CTNNA2: variants seen among roughly 807,000 people sequenced by gnomAD.
CTNNA2 encodes catenin alpha-2.
In CTNNA2, 42 loss-of-function variants were observed where a neutral mutation model predicts 101.0. The observed-to-expected ratio is 0.42, with a 90% CI of 0.32 to 0.54. The LOEUF is 0.54. Among genes scored for constraint, CTNNA2 ranks in the 20% least tolerant of loss-of-function variants. CTNNA2 has a pLI of 0.14. For synonymous variants in CTNNA2, 450 were observed against 456.4 expected (o/e 0.99, Z 0.18); for missense variants, 871 against 1,223.1 (o/e 0.71, Z 4.29).
At chr2:79,583,568 G>A (rs538483990) in intron 1 of CTNNA2, among the ~76,000 whole-genome samples, 1 of 152,106 alleles carries the variant, frequency 6.6e-6, no homozygotes, top group African/African-American at 2.4e-5. Context: ...AGGCTGTGTG[G>A]TTAGTGTATG....
intron 7 of CTNNA2, among the ~76,000 whole-genome samples, chr2:80,262,404 G>A (rs577713125): frequency 6.6e-6 from 1 of 152,226 alleles, no homozygotes; most frequent in East Asian, 1.9e-4. Flanking sequence ...TTGCAACAAT[G>A]CTTGTGTATA....
chr2:79,441,146 T>A lies in CTNNA2; in HGVS notation c.-134-63908T>A, dbSNP rs576184566. ...CCTTAGCAACTGCTTTCTTGTCCAA[T>A]GAACTGAACTAATTTAAATACAAGT... On this transcript the variant is annotated intron_variant, in intron 4 of 21. Coordinates refer to the CTNNA2 transcript ENST00000466387. 9.1e-4 allele frequency among the ~76,000 whole-genome samples: 138 copies of A among 152,262 alleles called. 1 individual carries two copies. Among genetic ancestry groups the A allele is most frequent in the Middle Eastern group, 3.4e-3 (1 of 294 alleles).
At chr2:80,569,633 G>GTTTTTTTTTT (rs70940088) in intron 12 of CTNNA2, among the ~76,000 whole-genome samples, 788 of 51,674 alleles carry the variant, frequency 0.015, 189 homozygotes, top group Middle Eastern at 0.036. Context: ...GGGTATTTAG[G>GTTTTTTTTTT]TTTTTTTTTT....
chr2:80,647,503 T>C, intron 18 of CTNNA2, 82 bp from the exon 19 acceptor site: 1 of 1,180,870 alleles, frequency 8.5e-7, no homozygotes, highest in Non-Finnish European at 1.2e-6. Flanking sequence ...AAAACATTAT[T>C]TTAACCGTGA....
chr2:79,337,722 C>CAG (rs1677025250), intron 3 of CTNNA2, among the ~76,000 whole-genome samples: 1 of 151,924 alleles, frequency 6.6e-6, no homozygotes, highest in Non-Finnish European at 1.5e-5. Context: ...ACTGTCTGCT[C>CAG]TGCACTGAGG....
chr2:80,544,998 G>C lies in CTNNA2; in HGVS notation c.1307G>C (p.Cys436Ser), dbSNP rs762417293. The change falls in exon 10 of 19, where the codon TGT (cysteine) becomes TCT (serine). Residue 436 changes from cysteine (C) to serine (S), a missense_variant. Cys to Ser is a moderately radical substitution (Grantham distance 112). Around this residue, in one of 5 missense-constraint regions of CTNNA2, gnomAD observed 647 missense variants for 831.5 expected, o/e 0.78. Coordinates refer to ENST00000402739, the MANE Select transcript of CTNNA2 (RefSeq NM_001282597.3). ...NKLVEVANLA[C>S]SISNNEEGVK... ...TCAATACAGGTTGCCAATTTGGCCTGTTCCATCTCCAACAATGAAGAAGGG... is the reference window on the plus strand; with the variant it reads ...TCAATACAGGTTGCCAATTTGGCCTCTTCCATCTCCAACAATGAAGAAGGG... 3 of 1,613,992 alleles carry C rather than the reference G, an allele frequency of 1.9e-6. No individual in the cohort carries two copies. In the Admixed American group the frequency reaches 5.0e-5, roughly 27 times the overall value.
At chr2:79,834,569 A>T (rs1302622151) in intron 3 of CTNNA2, among the ~76,000 whole-genome samples, 2 of 151,670 alleles carry the variant, frequency 1.3e-5, no homozygotes, top group Admixed American at 1.3e-4. Context: ...CTCCTTTTTC[A>T]TTGGGTTGAT....
intron 8 of CTNNA2, among the ~76,000 whole-genome samples, chr2:80,407,598 A>G (rs1050665983): frequency 1.3e-5 from 2 of 152,238 alleles, no homozygotes; most frequent in African/African-American, 4.8e-5. Flanking sequence ...AGAGTCTGCC[A>G]ATCCCTGCTC....
At chr2:79,871,105 C>T (rs2104031323) in intron 5 of CTNNA2, among the ~76,000 whole-genome samples, 1 of 152,312 alleles carries the variant, frequency 6.6e-6, no homozygotes, top group East Asian at 1.9e-4. Flanking sequence ...TTTCACCCAT[C>T]CTTTTGACTG....
At chr2:80,388,740 A>T (rs1024881004) in intron 7 of CTNNA2, among the ~76,000 whole-genome samples, 3 of 152,232 alleles carry the variant, frequency 2.0e-5, no homozygotes, top group Admixed American at 1.3e-4. Flanking sequence ...TTATTAGGTG[A>T]TGATGTCAAA....
At chr2:79,376,279 A>G (rs1051916019) in intron 4 of CTNNA2, among the ~76,000 whole-genome samples, 10 of 152,102 alleles carry the variant, frequency 6.6e-5, no homozygotes, top group Non-Finnish European at 1.3e-4. Context: ...AATGAGTAGG[A>G]AACAGCAACG....
intron 7 of CTNNA2, among the ~76,000 whole-genome samples, chr2:79,919,073 C>T (rs11894161): frequency 1.3e-5 from 2 of 151,972 alleles, no homozygotes; most frequent in Non-Finnish European, 2.9e-5. Flanking sequence ...GTGGGGCAGG[C>T]GGTTCTTGGC....
At chr2:80,110,199 T>G (rs112185646) in intron 7 of CTNNA2, among the ~76,000 whole-genome samples, 2 of 152,186 alleles carry the variant, frequency 1.3e-5, no homozygotes, top group African/African-American at 2.4e-5. Context: ...AATTATCTTG[T>G]TCTTCTCTAC....
At chr2:80,598,937 TGTA>T (rs1350944044) in intron 15 of CTNNA2, among the ~76,000 whole-genome samples, 4 of 152,138 alleles carry the variant, frequency 2.6e-5, no homozygotes, top group African/African-American at 4.8e-5. Flanking sequence ...GTGTCTCAAT[TGTA>T]GTAGTTACAT....
chr2:80,425,828 T>G (rs989084210), intron 9 of CTNNA2, among the ~76,000 whole-genome samples: 2 of 152,178 alleles, frequency 1.3e-5, no homozygotes, highest in Admixed American at 1.3e-4. Context: ...AGAAAAGTCC[T>G]CAGCAAGGAC....
intron 4 of CTNNA2, among the ~76,000 whole-genome samples, chr2:79,399,852 T>C (rs535165646): frequency 1.3e-5 from 2 of 151,934 alleles, no homozygotes; most frequent in Non-Finnish European, 2.9e-5. Flanking sequence ...AAACCTTGTG[T>C]AAAGAAGTAA....
At chr2:79,322,088 A>G (rs752441232) in intron 3 of CTNNA2, among the ~76,000 whole-genome samples, 2 of 152,206 alleles carry the variant, frequency 1.3e-5, no homozygotes, top group Non-Finnish European at 2.9e-5. Context: ...GGGAACAATT[A>G]ATAATTCAAA....
chr2:79,896,571 A>G (rs1453781156), intron 6 of CTNNA2, among the ~76,000 whole-genome samples: 1 of 152,232 alleles, frequency 6.6e-6, no homozygotes, highest in Admixed American at 6.5e-5. Context: ...ATACTTATGT[A>G]TGAAACATTC....
rs537989248 is a variant in CTNNA2 at position 79,461,833 on chromosome 2, A to G, written c.-134-43221A>G. Among the ~76,000 whole-genome samples, 10 of 152,268 alleles carry G rather than the reference A, an allele frequency of 6.6e-5. No homozygotes were observed. In the South Asian group the frequency reaches 2.1e-3, roughly 32 times the overall value. ...AAAATTGATGAGGAAAAAGAAAAAC[A>G]TGAAAATGAGAGAATAAATTGTCAC... On this transcript the variant is annotated intron_variant, in intron 4 of 21. Coordinates refer to the CTNNA2 transcript ENST00000466387.
Sources: gnomAD v4.1 joint callset for allele counts (sites outside exome capture counted in the v4.1 genomes callset) on GRCh38, gnomAD v4.1.1 for gene constraint, gnomAD v4.1.1 regional missense constraint, MANE v1.5 for transcripts, NCBI Gene and HGNC (gene_info 2026-07-23, HGNC 2026-07-21) for gene names.